The following SKAP1 variants were observed in gnomAD, a reference collection of about 807,000 sequenced individuals.
The protein encoded by SKAP1 is src kinase-associated phosphoprotein 1.
Under a neutral mutation model 58.5 loss-of-function variants are expected in SKAP1, and 44 were observed. The ratio of observed to expected loss-of-function variants is 0.75; its 90% CI spans 0.59 to 0.97. The LOEUF is 0.97. Among genes scored for constraint, SKAP1 ranks in the 50% least tolerant of loss-of-function variants. The pLI is 0.00. For missense variants in SKAP1, 390 were observed against 435.2 expected (o/e 0.90, Z 0.92); for synonymous variants, 127 against 149.7 (o/e 0.85, Z 1.11).
intron 4 of SKAP1, among the ~76,000 whole-genome samples, chr17:48,221,722 G>A (rs1449910821): frequency 2.0e-5 from 3 of 152,172 alleles, no homozygotes; most frequent in Non-Finnish European, 4.4e-5. Flanking sequence ...CAGAATTGCC[G>A]AGTATCTTTA....
At chr17:48,439,359 T>C in the SKAP1 span, among the ~76,000 whole-genome samples, 2 of 152,228 alleles carry the variant, frequency 1.3e-5, no homozygotes, top group Non-Finnish European at 2.9e-5. Flanking sequence ...TTGCAGAATA[T>C]TCATGTTCAT....
At chr17:48,341,304 C>T (rs944688679) in intron 4 of SKAP1, among the ~76,000 whole-genome samples, 12 of 152,098 alleles carry the variant, frequency 7.9e-5, no homozygotes, top group African/African-American at 2.9e-4. Context: ...TAAATTAAAC[C>T]TTCATTTTAA....
chr17:48,287,241 A>G lies in SKAP1; in HGVS notation c.280+58664T>C, dbSNP rs1218796704. 1.2e-4 allele frequency among the ~76,000 whole-genome samples: 18 copies of G among 152,120 alleles called. 1 individual carries two copies. The highest frequency in any genetic ancestry group is 1.6e-4 in the Non-Finnish European group (11 of 68,028). ...GGAGTGACTCTTACCACCTGGTTCG[A>G]CATTTTCATTACCTATAGTCAGCAA... On this transcript the variant is annotated intron_variant, in intron 4 of 12. Coordinates refer to ENST00000336915, the MANE Select transcript of SKAP1 (RefSeq NM_003726.4).
At chr17:48,296,117 GGAATTGTAT>G (rs1269905495) in intron 4 of SKAP1, among the ~76,000 whole-genome samples, 10 of 152,002 alleles carry the variant, frequency 6.6e-5, no homozygotes, top group Non-Finnish European at 1.3e-4. Context: ...GAGCCTTCAG[GGAATTGTAT>G]GAACTTTTGA....
chr17:48,435,430 C>T, the SKAP1 span, among the ~76,000 whole-genome samples: 1 of 152,152 alleles, frequency 6.6e-6, no homozygotes, highest in African/African-American at 2.4e-5. Context: ...GAGCTGTGCA[C>T]TCTGAGTGAG....
chr17:48,247,776 A>AT (rs1331214581), intron 4 of SKAP1, among the ~76,000 whole-genome samples: 1 of 152,188 alleles, frequency 6.6e-6, no homozygotes, highest in Non-Finnish European at 1.5e-5. Flanking sequence ...CTACACTTTA[A>AT]TTTTGCAACA....
intron 4 of SKAP1, among the ~76,000 whole-genome samples, chr17:48,245,007 A>C (rs2065279871): frequency 6.6e-6 from 1 of 152,232 alleles, no homozygotes; most frequent in Non-Finnish European, 1.5e-5. Flanking sequence ...CAAAGGTTAG[A>C]GAAAGAACAC....
chr17:48,328,782 C>G (rs1464789969), intron 4 of SKAP1, among the ~76,000 whole-genome samples: 1 of 152,130 alleles, frequency 6.6e-6, no homozygotes, highest in Admixed American at 6.5e-5. Flanking sequence ...ACTCACCTAC[C>G]TTGCCCCTCT....
chr17:48,224,761 T>G (rs1447202949), intron 4 of SKAP1, among the ~76,000 whole-genome samples: 2 of 152,160 alleles, frequency 1.3e-5, no homozygotes, highest in Admixed American at 6.5e-5. Context: ...TGGAGACCAC[T>G]GATCATGCTT....
intron 4 of SKAP1, among the ~76,000 whole-genome samples, chr17:48,256,759 C>T (rs988840777): frequency 2.0e-5 from 3 of 151,804 alleles, no homozygotes; most frequent in Non-Finnish European, 2.9e-5. Context: ...GCTCCTTTGG[C>T]AATTGAAGGT....
chr17:48,159,904 A>T (rs1311180327), intron 11 of SKAP1, among the ~76,000 whole-genome samples: 1 of 152,196 alleles, frequency 6.6e-6, no homozygotes, highest in East Asian at 1.9e-4. Flanking sequence ...AGTTCAGCTG[A>T]GCTCTTAACT....
chr17:48,425,467 ATTAC>A, intron 1 of SKAP1, among the ~76,000 whole-genome samples: 1 of 152,336 alleles, frequency 6.6e-6, no homozygotes, highest in South Asian at 2.1e-4. Context: ...AATTAGCATT[ATTAC>A]TTTTATAATC....
At chr17:48,342,966 C>CA (rs1333485546) in intron 4 of SKAP1, among the ~76,000 whole-genome samples, 3 of 152,074 alleles carry the variant, frequency 2.0e-5, no homozygotes. Context: ...GCCTGGGTGA[C>CA]AGAGCGAAAC....
chr17:48,391,703 A>G (rs2067347434), intron 2 of SKAP1, among the ~76,000 whole-genome samples: 1 of 152,040 alleles, frequency 6.6e-6, no homozygotes, highest in African/African-American at 2.4e-5. Context: ...TTAACCTTCC[A>G]GATGTGGTCA....
intron 12 of SKAP1, 84 bp downstream of exon 12, chr17:48,137,145 A>T (rs981838337): frequency 2.6e-6 from 2 of 776,326 alleles, no homozygotes; most frequent in African/African-American, 3.4e-5. Flanking sequence ...CTTCACTGGC[A>T]ACTCTCATCT....
chr17:48,205,114 C>G (rs1312924066), intron 4 of SKAP1, among the ~76,000 whole-genome samples: 1 of 147,936 alleles, frequency 6.8e-6, no homozygotes, highest in Non-Finnish European at 1.5e-5. Flanking sequence ...CTCTCTCTGT[C>G]TCTTTCTTTT....
the SKAP1 span, among the ~76,000 whole-genome samples, chr17:48,436,019 C>T: frequency 6.6e-6 from 1 of 152,064 alleles, no homozygotes; most frequent in African/African-American, 2.4e-5. Context: ...ATGTTCTTTC[C>T]TTGCCTTCAG....
intron 4 of SKAP1, among the ~76,000 whole-genome samples, chr17:48,320,261 G>A (rs1228221877): frequency 6.6e-6 from 1 of 152,090 alleles, no homozygotes; most frequent in Non-Finnish European, 1.5e-5. Flanking sequence ...GATCTTATTG[G>A]TTCTCTGTAC....
At chr17:48,288,857 T>C (rs2065866365) in intron 4 of SKAP1, among the ~76,000 whole-genome samples, 1 of 152,088 alleles carries the variant, frequency 6.6e-6, no homozygotes. Context: ...GATATATACA[T>C]ATAAAATAAA....
Sources: gnomAD v4.1 joint callset for allele counts (sites outside exome capture counted in the v4.1 genomes callset) on GRCh38, gnomAD v4.1.1 for gene constraint, MANE v1.5 for transcripts, NCBI Gene and HGNC (gene_info 2026-07-23, HGNC 2026-07-21) for gene names.